The following OR7C1 variants were observed in gnomAD, a reference collection of about 807,000 sequenced individuals.
The protein encoded by OR7C1 is olfactory receptor 7C1.
For missense variants in OR7C1, 324 were observed against 383.3 expected, an observed-to-expected ratio of 0.85 and a Z score of 1.29; for synonymous variants, 152 against 160.7, an observed-to-expected ratio of 0.95 and a Z score of 0.41.
chr19:14,809,321 A>G (rs1404602013), intron 2 of OR7C1, among the ~76,000 whole-genome samples: 1 of 151,984 alleles, frequency 6.6e-6, no homozygotes, highest in Non-Finnish European at 1.5e-5. Flanking sequence ...AAGTTGAAAT[A>G]GAGCCGAATC....
chr19:14,820,330 A>C (rs1164542424), intron 1 of OR7C1, among the ~76,000 whole-genome samples: 2 of 151,746 alleles, frequency 1.3e-5, no homozygotes, highest in Non-Finnish European at 2.9e-5. Context: ...TCTTAATTTA[A>C]AAAAATGTGT....
At chr19:14,833,940 A>G (rs1446007312) in intron 1 of OR7C1, among the ~76,000 whole-genome samples, 5 of 152,176 alleles carry the variant, frequency 3.3e-5, no homozygotes, top group Non-Finnish European at 7.3e-5. Flanking sequence ...TCTTGTGGAA[A>G]CAATCTCCAG....
intron 2 of OR7C1, among the ~76,000 whole-genome samples, chr19:14,805,705 A>T (rs2044663472): frequency 6.6e-6 from 1 of 151,800 alleles, no homozygotes; most frequent in African/African-American, 2.4e-5. Flanking sequence ...GTGAGCCACC[A>T]TGCCCGGCCT....
chr19:14,815,814 TGTCTGTGTCTGG>T (rs2044713751), intron 1 of OR7C1, among the ~76,000 whole-genome samples: 1 of 151,638 alleles, frequency 6.6e-6, no homozygotes, highest in African/African-American at 2.4e-5. Flanking sequence ...TGTGTGTGTG[TGTCTGTGTCTGG>T]GTGTGTGTGT....
chr19:14,807,681 G>C (rs2044671909), intron 2 of OR7C1, among the ~76,000 whole-genome samples: 1 of 151,856 alleles, frequency 6.6e-6, no homozygotes, highest in Non-Finnish European at 1.5e-5. Flanking sequence ...TGGATCACGA[G>C]GTCAGGAGAC....
chr19:14,817,300 G>C (rs570878578), intron 1 of OR7C1, among the ~76,000 whole-genome samples: 1 of 152,014 alleles, frequency 6.6e-6, no homozygotes, highest in Non-Finnish European at 1.5e-5. Flanking sequence ...TATGTACCAC[G>C]TTTTCTTCAA....
intron 1 of OR7C1, among the ~76,000 whole-genome samples, chr19:14,820,071 A>G (rs971830170): frequency 2.0e-5 from 3 of 151,904 alleles, no homozygotes; most frequent in African/African-American, 7.3e-5. Context: ...CACTCTGCCC[A>G]GCTAATTTTT....
rs143859032 is a variant in OR7C1, at chr19:14,799,551, T to A, written c.586A>T (p.Asn196Tyr). The change falls in exon 5 of 5, where the codon AAC becomes TAC. Residue 196 changes from asparagine to tyrosine, a missense_variant. Transcript: ENST00000641666. ...CCAGTTGCAAAGTATATCACCACGTTATTAATGAAGGTGTCAGAACAGGCG... is the reference window on the plus strand; with the variant it reads ...CCAGTTGCAAAGTATATCACCACGTAATTAATGAAGGTGTCAGAACAGGCG... 100 of 1,614,188 alleles carry A rather than the reference T, an allele frequency of 6.2e-5. No homozygotes were observed. In the African/African-American group the frequency reaches 9.7e-4, roughly 16 times the overall value.
At chr19:14,829,235 C>T (rs1274524276) in intron 1 of OR7C1, among the ~76,000 whole-genome samples, 3 of 152,198 alleles carry the variant, frequency 2.0e-5, no homozygotes, top group South Asian at 2.1e-4. Context: ...GACAGAGTCT[C>T]GCTCTGTTGC....
At chr19:14,798,991 T>A in exon 5 of OR7C1, 1 of 625,958 alleles carries the variant, frequency 1.6e-6, no homozygotes, top group South Asian at 5.0e-5. Context: ...CTGCTTTTTG[T>A]TAACGGGGAA....
exon 5 of OR7C1, chr19:14,799,651 A>G (rs1277128947): frequency 6.2e-7 from 1 of 1,614,142 alleles, no homozygotes. Context: ...GCCTCAAAAC[A>G]GTCAAGGTCT....
At chr19:14,799,590 C>T in exon 5 of OR7C1, 1 of 1,614,084 alleles carries the variant, frequency 6.2e-7, no homozygotes, top group Middle Eastern at 1.6e-4. Flanking sequence ...TTCAGGACTT[C>T]AAGTAGATCA....
intron 2 of OR7C1, among the ~76,000 whole-genome samples, chr19:14,807,701 C>T (rs187214108): frequency 1.7e-3 from 254 of 151,940 alleles, no homozygotes; most frequent in Non-Finnish European, 2.7e-3. Flanking sequence ...CTGAGACCAT[C>T]CTGGCTAACA....
chr19:14,802,837 C>CAA (rs1373208523), intron 2 of OR7C1, among the ~76,000 whole-genome samples: 1 of 152,176 alleles, frequency 6.6e-6, no homozygotes, highest in African/African-American at 2.4e-5. Flanking sequence ...TTCCTCATCT[C>CAA]ACGCCAAGGA....
At chr19:14,827,295 T>C (rs1424335638) in intron 1 of OR7C1, 1 of 1,550,070 alleles carries the variant, frequency 6.5e-7, no homozygotes, top group Admixed American at 2.0e-5. Flanking sequence ...TGGGCACTTC[T>C]TGAAAAATTG....
exon 5 of OR7C1, chr19:14,800,012 T>C: frequency 6.2e-7 from 1 of 1,613,990 alleles, no homozygotes; most frequent in South Asian, 1.1e-5. Flanking sequence ...GATGAGCAGG[T>C]TCCCGGTGAA....
At chr19:14,805,534 G>T (rs1252910402) in intron 2 of OR7C1, among the ~76,000 whole-genome samples, 1 of 145,156 alleles carries the variant, frequency 6.9e-6, no homozygotes, top group East Asian at 2.0e-4. Context: ...TCCTGCCTCA[G>T]CCTCCTGAGT....
chr19:14,818,062 T>TTTTATCTTA (rs2044723937), intron 1 of OR7C1, among the ~76,000 whole-genome samples: 1 of 139,460 alleles, frequency 7.2e-6, no homozygotes, highest in Non-Finnish European at 1.5e-5. Context: ...ATTTTATTTA[T>TTTTATCTTA]TTTATTTATT....
At chr19:14,830,550 A>G (rs2044821535) in intron 1 of OR7C1, among the ~76,000 whole-genome samples, 1 of 152,196 alleles carries the variant, frequency 6.6e-6, no homozygotes, top group Non-Finnish European at 1.5e-5. Context: ...TATCTCCTCG[A>G]TGCCTGGCAA....
Sources: gnomAD v4.1 joint callset for allele counts (sites outside exome capture counted in the v4.1 genomes callset) on GRCh38, gnomAD v4.1.1 for gene constraint, MANE v1.5 for transcripts, NCBI Gene and HGNC (gene_info 2026-07-23, HGNC 2026-07-21) for gene names.